The following RPTOR variants were observed in gnomAD, a reference collection of about 807,000 sequenced individuals.
RPTOR encodes the protein regulatory-associated protein of mTOR.
Under a neutral mutation model 169.9 loss-of-function variants are expected in RPTOR, and 21 were observed. That is an observed-to-expected ratio of 0.12 (90% confidence interval 0.09 to 0.18). The LOEUF is 0.18. Among genes scored for constraint, RPTOR ranks in the 10% least tolerant of loss-of-function variants. The pLI is 1.00. For missense variants in RPTOR, 1,133 were observed against 1,855.9 expected, an observed-to-expected ratio of 0.61 and a Z score of 7.16; for synonymous variants, 732 against 753.2, an observed-to-expected ratio of 0.97 and a Z score of 0.46.
chr17:80,777,822 C>T (rs1469047640), intron 6 of RPTOR, among the ~76,000 whole-genome samples: 2 of 152,256 alleles, frequency 1.3e-5, no homozygotes, highest in East Asian at 3.9e-4. Context: ...ACTTTTGGAT[C>T]TATTTTTAAC....
intron 27 of RPTOR, 113 bp from the exon 28 acceptor site, chr17:80,949,330 C>G: frequency 1.1e-6 from 1 of 897,336 alleles, no homozygotes; most frequent in Middle Eastern, 2.3e-4. Context: ...TCAGGCTGGC[C>G]GCCCAGGGTC....
intron 1 of RPTOR, among the ~76,000 whole-genome samples, chr17:80,579,560 G>A (rs1181244949): frequency 6.6e-6 from 1 of 152,218 alleles, no homozygotes; most frequent in African/African-American, 2.4e-5. Context: ...GCCCAGAGAA[G>A]CCCACGTCAC....
At chr17:80,819,488 CCT>C (rs1414664403) in intron 7 of RPTOR, among the ~76,000 whole-genome samples, 2 of 151,968 alleles carry the variant, frequency 1.3e-5, no homozygotes, top group African/African-American at 4.8e-5. Flanking sequence ...TAATCATTTC[CCT>C]CTCATTGGTT....
chr17:80,807,315 T>C (rs958478188), intron 7 of RPTOR, among the ~76,000 whole-genome samples: 1 of 152,220 alleles, frequency 6.6e-6, no homozygotes, highest in Non-Finnish European at 1.5e-5. Context: ...CCTTTTTTTT[T>C]CCTGTTGCTT....
intron 1 of RPTOR, among the ~76,000 whole-genome samples, chr17:80,613,482 C>T (rs2065285940): frequency 6.6e-6 from 1 of 152,214 alleles, no homozygotes; most frequent in Non-Finnish European, 1.5e-5. Flanking sequence ...CTTCATACTT[C>T]TTTTCTTGTG....
intron 6 of RPTOR, among the ~76,000 whole-genome samples, chr17:80,758,896 G>A (rs1486256338): frequency 3.3e-5 from 5 of 151,920 alleles, no homozygotes; most frequent in Admixed American, 1.3e-4. Context: ...AAGGGGAACC[G>A]GAAATGACAT....
intron 1 of RPTOR, among the ~76,000 whole-genome samples, chr17:80,582,775 A>T (rs1258958665): frequency 6.7e-6 from 1 of 150,100 alleles, no homozygotes; most frequent in African/African-American, 2.5e-5. Context: ...CGATCTCTTG[A>T]CCTCGTGATC....
At chr17:80,672,457 G>A (rs1202858555) in intron 3 of RPTOR, among the ~76,000 whole-genome samples, 1 of 150,358 alleles carries the variant, frequency 6.7e-6, no homozygotes, top group Non-Finnish European at 1.5e-5. Flanking sequence ...ACTTCAAAAA[G>A]TTCATGCAAA....
chr17:80,615,525 G>A (rs994748197), intron 1 of RPTOR, among the ~76,000 whole-genome samples: 18 of 152,174 alleles, frequency 1.2e-4, no homozygotes, highest in Admixed American at 6.5e-4. Context: ...GATGTCTGCC[G>A]TGGTTCCCCA....
chr17:80,923,435 C>G (rs1220696085), intron 22 of RPTOR, 55 bp from the exon 23 acceptor site: 1 of 1,603,812 alleles, frequency 6.2e-7, no homozygotes, highest in African/African-American at 1.3e-5. Flanking sequence ...CATGTTCCCT[C>G]TCGAAGCCCC....
intron 1 of RPTOR, among the ~76,000 whole-genome samples, chr17:80,622,668 T>TG (rs2065362958): frequency 6.6e-6 from 1 of 152,152 alleles, no homozygotes; most frequent in Non-Finnish European, 1.5e-5. Context: ...TGGGAGGCCC[T>TG]GGGCTGGTGG....
chr17:80,961,759 C>T (rs998625370), intron 31 of RPTOR: 1 of 411,322 alleles, frequency 2.4e-6, no homozygotes, highest in Non-Finnish European at 4.4e-6. Context: ...GGCAGCTGCT[C>T]TCCCTCCACG....
intron 19 of RPTOR, 88 bp from the exon 20 acceptor site, chr17:80,893,618 GA>G: frequency 6.7e-7 from 1 of 1,486,824 alleles, no homozygotes; most frequent in East Asian, 2.4e-5. Context: ...TTATTTAGAA[GA>G]AAATATGTAT....
At chr17:80,732,634 G>A (rs79920167) in intron 5 of RPTOR, among the ~76,000 whole-genome samples, 3 of 152,244 alleles carry the variant, frequency 2.0e-5, no homozygotes, top group African/African-American at 4.8e-5. Context: ...TTTTATCTTC[G>A]TTCTTTAATT....
At chr17:80,772,990 C>T (rs2066859718) in intron 6 of RPTOR, among the ~76,000 whole-genome samples, 1 of 152,192 alleles carries the variant, frequency 6.6e-6, no homozygotes. Context: ...CCTCCTCCTT[C>T]TCACCACTTA....
chr17:80,870,449 C>T (rs1164173932), intron 13 of RPTOR, among the ~76,000 whole-genome samples: 1 of 152,222 alleles, frequency 6.6e-6, no homozygotes, highest in Non-Finnish European at 1.5e-5. Context: ...CACCACAGTT[C>T]GTGTATGCTG....
chr17:80,908,971 C>T (rs1309815377), intron 21 of RPTOR, 42 bp downstream of exon 21: 2 of 1,420,802 alleles, frequency 1.4e-6, no homozygotes, highest in Admixed American at 3.4e-5. Flanking sequence ...GCTGCTGGTT[C>T]TCGGTTACGA....
chr17:80,882,519 A>G (rs1294048407), intron 14 of RPTOR, among the ~76,000 whole-genome samples: 3 of 152,210 alleles, frequency 2.0e-5, no homozygotes, highest in Non-Finnish European at 2.9e-5. Flanking sequence ...GTGCGAGGAA[A>G]GCGACCACGG....
chr17:80,554,074 TTTG>T (rs1328349272), intron 1 of RPTOR, among the ~76,000 whole-genome samples: 1 of 151,672 alleles, frequency 6.6e-6, no homozygotes, highest in East Asian at 1.9e-4. Context: ...GTGTATATTT[TTTG>T]TTGTTATTTG....
Sources: allele counts gnomAD v4.1 joint callset (sites outside exome capture counted in the v4.1 genomes callset), GRCh38; gene constraint gnomAD v4.1.1; transcripts MANE v1.5; gene names NCBI Gene and HGNC (gene_info 2026-07-23, HGNC 2026-07-21).